L3MBTL4: variants seen among roughly 807,000 people sequenced by gnomAD.
L3MBTL4 encodes L3MBTL histone methyl-lysine binding protein 4.
Under a neutral mutation model 84.5 loss-of-function variants are expected in L3MBTL4, and 70 were observed. The ratio of observed to expected loss-of-function variants is 0.83; its 90% CI spans 0.68 to 1.01. L3MBTL4 has a LOEUF of 1.01. Ranked by LOEUF, L3MBTL4 falls within the 50% of genes least tolerant of loss-of-function variation. L3MBTL4 has a pLI of 0.00. For missense variants in L3MBTL4, 715 were observed against 754.8 expected (o/e 0.95, Z 0.62); for synonymous variants, 274 against 259.8 (o/e 1.05, Z -0.52).
chr18:6,010,229 C>T (rs2054673330), intron 16 of L3MBTL4, among the ~76,000 whole-genome samples: 1 of 151,846 alleles, frequency 6.6e-6, no homozygotes, highest in Admixed American at 6.6e-5. Flanking sequence ...AATATAAAAG[C>T]CAGAACATGA....
At chr18:6,116,897 G>A (rs910163341) in intron 14 of L3MBTL4, among the ~76,000 whole-genome samples, 12 of 152,192 alleles carry the variant, frequency 7.9e-5, no homozygotes, top group Non-Finnish European at 1.0e-4. Flanking sequence ...ACCTTTGCTC[G>A]GTCACTTCTT....
chr18:6,317,053 A>G (rs1471955788), intron 1 of L3MBTL4, among the ~76,000 whole-genome samples: 1 of 152,178 alleles, frequency 6.6e-6, no homozygotes, highest in Non-Finnish European at 1.5e-5. Context: ...AAACAAGATA[A>G]GCTTCAAGAG....
intron 1 of L3MBTL4, among the ~76,000 whole-genome samples, chr18:6,343,267 C>T (rs901728259): frequency 3.9e-5 from 6 of 152,268 alleles, no homozygotes; most frequent in Non-Finnish European, 7.4e-5. Flanking sequence ...AGAGAACATT[C>T]CATCCAATAG....
At chr18:6,175,344 T>C (rs1430040459) in intron 12 of L3MBTL4, among the ~76,000 whole-genome samples, 1 of 151,768 alleles carries the variant, frequency 6.6e-6, no homozygotes, top group Non-Finnish European at 1.5e-5. Context: ...ACAAAAAATA[T>C]CCTTCAAAAA....
Position 6,031,758 on chromosome 18 carries a change from C to T in L3MBTL4, c.1444+49123G>A, listed in dbSNP as rs541710777. ...GCAAATGGAAAGTGCTGTCTCACAC[C>T]TCTGTGTGCCTATCTGCAGTCATCT... On this transcript the variant is annotated intron_variant, in intron 16 of 18. Transcript: ENST00000317931. 11 of 985,040 alleles carry T rather than the reference C, an allele frequency of 1.1e-5. No individual in the cohort carries two copies. In the South Asian group the frequency reaches 1.9e-4, roughly 17 times the overall value. 61.0% of individuals were successfully genotyped at this position (985,040 alleles called of 1,614,324 possible).
chr18:6,342,137 CT>C lies in L3MBTL4; in HGVS notation c.-90-30082del, dbSNP rs146489898. Among the ~76,000 whole-genome samples, 1,417 of 152,220 alleles carry C rather than the reference CT, an allele frequency of 9.3e-3. 25 individuals carry two copies. The highest frequency in any genetic ancestry group is 0.033 in the African/African-American group (1,360 of 41,546). ...CCTTACAAGATATGCTAAAAGAGTT[CT>C]TCAAAGTTTAAACAAAAGGACACTA... On this transcript the variant is annotated intron_variant, in intron 1 of 18. Transcript: ENST00000317931.
chr18:6,218,372 C>T (rs113816704), intron 10 of L3MBTL4, among the ~76,000 whole-genome samples: 2,058 of 149,904 alleles, frequency 0.014, 46 homozygotes, highest in African/African-American at 0.048. Context: ...AGATTTTGAA[C>T]CATGCCCACA....
intron 14 of L3MBTL4, among the ~76,000 whole-genome samples, chr18:6,110,220 G>A (rs560057920): frequency 2.0e-5 from 3 of 152,306 alleles, no homozygotes; most frequent in South Asian, 2.1e-4. Flanking sequence ...ACTGGTAGTA[G>A]AGTGAAAATA....
At chr18:6,233,383 CCT>C (rs2047079064) in intron 10 of L3MBTL4, among the ~76,000 whole-genome samples, 1 of 149,588 alleles carries the variant, frequency 6.7e-6, no homozygotes, top group Non-Finnish European at 1.5e-5. Flanking sequence ...GCAAATTGTC[CCT>C]GTTTGCAGAT....
intron 13 of L3MBTL4, among the ~76,000 whole-genome samples, chr18:6,145,376 G>C (rs907393266): frequency 4.6e-5 from 7 of 152,034 alleles, no homozygotes; most frequent in Non-Finnish European, 1.0e-4. Context: ...AATTTTATTT[G>C]GTATACAGAC....
chr18:5,993,159 T>C (rs983048382), intron 16 of L3MBTL4, among the ~76,000 whole-genome samples: 1 of 152,228 alleles, frequency 6.6e-6, no homozygotes, highest in South Asian at 2.1e-4. Context: ...CACAGGTGTA[T>C]CTGTCAGGAG....
At chr18:6,244,452 A>T (rs140275303) in intron 6 of L3MBTL4, 32 bp downstream of exon 6, 1 of 1,330,884 alleles carries the variant, frequency 7.5e-7, no homozygotes, top group Non-Finnish European at 1.1e-6. Context: ...GTCACTAGGC[A>T]ATTAGCCCAA....
At chr18:5,961,141 G>A (rs776963439) in intron 17 of L3MBTL4, among the ~76,000 whole-genome samples, 20 of 152,314 alleles carry the variant, frequency 1.3e-4, no homozygotes, top group East Asian at 7.7e-4. Flanking sequence ...TGTGTCAACC[G>A]AATTGTGTGT....
At chr18:6,247,726 C>G (rs1355513135) in intron 5 of L3MBTL4, among the ~76,000 whole-genome samples, 3 of 150,344 alleles carry the variant, frequency 2.0e-5, no homozygotes, top group Admixed American at 2.0e-4. Flanking sequence ...AACTCCTGTC[C>G]TCTGGTGATC....
At chr18:6,032,951 T>C (rs2055909127) in intron 16 of L3MBTL4, among the ~76,000 whole-genome samples, 1 of 152,190 alleles carries the variant, frequency 6.6e-6, no homozygotes, top group Admixed American at 6.5e-5. Flanking sequence ...TAACCTATGT[T>C]TTGTCCTGGA....
At chr18:6,410,447 C>A (rs1309397967) in intron 1 of L3MBTL4, among the ~76,000 whole-genome samples, 1 of 152,200 alleles carries the variant, frequency 6.6e-6, no homozygotes, top group African/African-American at 2.4e-5. Flanking sequence ...TAGTCACCCC[C>A]ATACACACAG....
intron 16 of L3MBTL4, among the ~76,000 whole-genome samples, chr18:6,037,581 T>A (rs2056198138): frequency 1.3e-5 from 2 of 152,236 alleles, no homozygotes; most frequent in Admixed American, 1.3e-4. Flanking sequence ...GCACTTCCCT[T>A]GGAAGTATAA....
intron 16 of L3MBTL4, chr18:6,032,272 C>A (rs192678072): frequency 3.2e-6 from 3 of 949,956 alleles, no homozygotes; most frequent in Non-Finnish European, 3.7e-6. Flanking sequence ...CCACCGCACT[C>A]GGCCTTAAAT....
intron 16 of L3MBTL4, among the ~76,000 whole-genome samples, chr18:5,973,565 T>C (rs2052757536): frequency 1.3e-5 from 2 of 152,236 alleles, no homozygotes; most frequent in South Asian, 4.1e-4. Flanking sequence ...GCACGATTTA[T>C]GTCACATCAG....
Sources: allele counts gnomAD v4.1 joint callset (sites outside exome capture counted in the v4.1 genomes callset), GRCh38; gene constraint gnomAD v4.1.1; transcripts MANE v1.5; gene names NCBI Gene and HGNC (gene_info 2026-07-23, HGNC 2026-07-21).